The following ARRDC5 variants were observed in gnomAD, a reference collection of about 807,000 sequenced individuals.
The protein encoded by ARRDC5 is arrestin domain-containing protein 5.
A neutral mutation model predicts 13.3 loss-of-function variants in ARRDC5; 12 were observed. That is an observed-to-expected ratio of 0.90 (90% CI 0.58 to 1.46). The LOEUF is 1.46. Among genes scored for constraint, ARRDC5 ranks in the 40% most tolerant of loss-of-function variants. ARRDC5 has a pLI of 0.00. For missense variants in ARRDC5, 406 were observed against 418.7 expected, an observed-to-expected ratio of 0.97 and a Z score of 0.26; for synonymous variants, 181 against 173.4, an observed-to-expected ratio of 1.04 and a Z score of -0.34.
rs932163090 is a variant in ARRDC5, at chr19:4,890,637, G to A, written c.*409C>T. ...TGGACACTGCAGGGTGCTGAACAGC[G>A]TCCCTGGCCTCCACCCTCTCCACGC... On this transcript the variant is annotated 3_prime_UTR_variant, in exon 3 of 3. Coordinates refer to ENST00000650722, the MANE Select transcript of ARRDC5 (RefSeq NM_001080523.3). The A allele has an allele frequency of 2.7e-5, 6 of 225,904 alleles. No individual in the cohort carries two copies. Among genetic ancestry groups the A allele is most frequent in the South Asian group, 6.9e-5 (1 of 14,570 alleles). 14.0% of individuals were successfully genotyped at this position (225,904 alleles called of 1,614,324 possible). A position where few individuals can be genotyped will look rare whatever the true frequency, so the allele number is the denominator to read the frequency against.
upstream of ARRDC5, among the ~76,000 whole-genome samples, chr19:4,905,108 C>CTTTTTTTTTTTTTTTTTT (rs61443004): frequency 1.1e-5 from 1 of 95,192 alleles, no homozygotes; most frequent in Non-Finnish European, 2.0e-5. Context: ...CGTAAACTTT[C>CTTTTTTTTTTTTTTTTTT]TTTTTTTTTT....
chr19:4,900,933 C>A (rs1356473072), intron 1 of ARRDC5, among the ~76,000 whole-genome samples: 1 of 151,930 alleles, frequency 6.6e-6, no homozygotes, highest in Admixed American at 6.6e-5. Flanking sequence ...GCGGGACAAT[C>A]GGTTGAACCC....
intron 2 of ARRDC5, among the ~76,000 whole-genome samples, chr19:4,894,516 A>AG (rs1423885448): frequency 1.7e-5 from 1 of 59,538 alleles, no homozygotes; most frequent in Non-Finnish European, 3.0e-5. Flanking sequence ...GTCTCAAAAA[A>AG]AAAAAAAAAA....
the ARRDC5 span, chr19:4,910,795 G>T: frequency 6.8e-7 from 1 of 1,469,634 alleles, no homozygotes; most frequent in Non-Finnish European, 9.1e-7. Context: ...CCGGACAAAA[G>T]CAACCCCGAC....
At chr19:4,900,164 T>G (rs1380777005) in intron 1 of ARRDC5, among the ~76,000 whole-genome samples, 1 of 119,516 alleles carries the variant, frequency 8.4e-6, no homozygotes, top group Non-Finnish European at 1.8e-5. Flanking sequence ...TTTTTTTTTT[T>G]TGAGACGGAG....
At chr19:4,892,764 G>T (rs188588442) in intron 2 of ARRDC5, among the ~76,000 whole-genome samples, 3 of 152,108 alleles carry the variant, frequency 2.0e-5, no homozygotes, top group Admixed American at 1.3e-4. Flanking sequence ...ATAAAAAAGT[G>T]GTTGCAACCT....
chr19:4,916,625 C>T, the ARRDC5 span, among the ~76,000 whole-genome samples: 3 of 152,010 alleles, frequency 2.0e-5, no homozygotes, highest in African/African-American at 4.8e-5. Flanking sequence ...GGGATGCCCT[C>T]GCGGCGCCGT....
At chr19:4,897,195 G>A (rs565351979) in intron 1 of ARRDC5, among the ~76,000 whole-genome samples, 16 of 152,238 alleles carry the variant, frequency 1.1e-4, no homozygotes, top group Middle Eastern at 3.4e-3. Flanking sequence ...GGCCTCCGGC[G>A]ATCCGCCCGT....
intron 2 of ARRDC5, among the ~76,000 whole-genome samples, chr19:4,894,319 G>A (rs1469027622): frequency 1.3e-5 from 2 of 150,968 alleles, no homozygotes; most frequent in Non-Finnish European, 2.9e-5. Flanking sequence ...AGACCATCCC[G>A]GCTAAAACGG....
chr19:4,895,096 T>C (rs113283055), intron 2 of ARRDC5, among the ~76,000 whole-genome samples: 243 of 150,432 alleles, frequency 1.6e-3, no homozygotes, highest in African/African-American at 5.4e-3. Context: ...CAATGTCCCT[T>C]ATTTCCAAAT....
At chr19:4,908,975 G>A in the ARRDC5 span, among the ~76,000 whole-genome samples, 1 of 152,142 alleles carries the variant, frequency 6.6e-6, no homozygotes, top group Non-Finnish European at 1.5e-5. Context: ...AAAACGAGGC[G>A]GGAAAAGACA....
At position 4,902,090 on chromosome 19, in the gene ARRDC5, A is replaced by G. The variant is rs181601168; in HGVS notation, c.253+483T>C. On this transcript the variant is annotated intron_variant, in intron 1 of 2. Coordinates refer to ENST00000650722, the MANE Select transcript of ARRDC5 (RefSeq NM_001080523.3). ...TTTTTGGTAGAGATGGGGTTTCGCT[A>G]TATTGGCCAGGCTGGTCTCAAACTC... Among the ~76,000 whole-genome samples the G allele has an allele frequency of 4.2e-4, 64 of 152,214 alleles. 1 individual carries two copies. The East Asian group carries it at 7.7e-3, about 18-fold the overall frequency.
At chr19:4,896,325 A>ATAT (rs1320494513) in intron 2 of ARRDC5, among the ~76,000 whole-genome samples, 1 of 74,160 alleles carries the variant, frequency 1.3e-5, no homozygotes, top group Non-Finnish European at 2.4e-5. Flanking sequence ...AAAAAAAAAA[A>ATAT]AAAAATATAT....
At chr19:4,893,679 C>T (rs1442991010) in intron 2 of ARRDC5, among the ~76,000 whole-genome samples, 69 of 141,554 alleles carry the variant, frequency 4.9e-4, no homozygotes, top group Non-Finnish European at 1.5e-4. Flanking sequence ...ATCACTGGAG[C>T]CCAGAAGTTC....
Position 4,891,368 on chromosome 19 carries a change from G to T in ARRDC5, c.665C>A (p.Thr222Lys), listed in dbSNP as rs368496112. ...CCGAGACCGCCGCTCTGCACTGGGC[G>T]TGAAGCCCTCGTACTGTATGTGGGC... ...LYAHIQYEGF[T>K]PSAERRSRLD... is the part of the protein sequence containing the mutation. The change falls in exon 3 of 3, where the codon ACG (threonine) becomes AAG (lysine). Residue 222 changes from threonine to lysine, a missense_variant. Thr to Lys is a moderately conservative substitution (Grantham distance 78). Transcript: ENST00000650722. 1 of 1,613,556 alleles carries T rather than the reference G, an allele frequency of 6.2e-7. No individual in the cohort carries two copies. Among genetic ancestry groups the T allele is most frequent in the African/African-American group, 1.3e-5 (1 of 74,948 alleles).
At chr19:4,893,221 T>C (rs1234687123) in intron 2 of ARRDC5, among the ~76,000 whole-genome samples, 1 of 143,290 alleles carries the variant, frequency 7.0e-6, no homozygotes, top group Non-Finnish European at 1.5e-5. Flanking sequence ...ATTATATATA[T>C]ATAGCCAGGC....
the ARRDC5 span, among the ~76,000 whole-genome samples, chr19:4,914,871 G>A: frequency 2.0e-5 from 3 of 152,104 alleles, no homozygotes; most frequent in Non-Finnish European, 4.4e-5. Context: ...TTTGAAGGGC[G>A]GAGTGAGCCC....
chr19:4,896,516 C>A (rs2146250278), intron 2 of ARRDC5, among the ~76,000 whole-genome samples, 155 bp downstream of exon 2: 1 of 151,420 alleles, frequency 6.6e-6, no homozygotes, highest in Middle Eastern at 3.4e-3. Flanking sequence ...CCTAAGGTTT[C>A]TGACTCACCT....
upstream of ARRDC5, among the ~76,000 whole-genome samples, chr19:4,907,407 T>C (rs974720053): frequency 1.2e-4 from 18 of 152,224 alleles, no homozygotes; most frequent in African/African-American, 3.8e-4. Context: ...TAGCTGGGAT[T>C]ACAGGCGCCG....
Sources: allele counts gnomAD v4.1 joint callset (sites outside exome capture counted in the v4.1 genomes callset), GRCh38; gene constraint gnomAD v4.1.1; transcripts MANE v1.5; gene names NCBI Gene and HGNC (gene_info 2026-07-23, HGNC 2026-07-21).